DOCK7: variants seen among roughly 807,000 people sequenced by gnomAD.
DOCK7 encodes the protein dedicator of cytokinesis protein 7.
In DOCK7, 138 loss-of-function variants were observed where a neutral mutation model predicts 271.0. That is an observed-to-expected ratio of 0.51 (90% confidence interval 0.44 to 0.59). DOCK7 has a LOEUF of 0.59. DOCK7 is among the 20% of genes least tolerant of loss of function. DOCK7 has a pLI of 0.00. For synonymous variants in DOCK7, 823 were observed against 876.1 expected, an observed-to-expected ratio of 0.94 and a Z score of 1.07; for missense variants, 2,066 against 2,592.4, an observed-to-expected ratio of 0.80 and a Z score of 4.41.
At chr1:62,553,350 ATATATTTTTTTTTT>A (rs1646011996) in intron 21 of DOCK7, among the ~76,000 whole-genome samples, 1 of 14,872 alleles carries the variant, frequency 6.7e-5, no homozygotes, top group African/African-American at 3.5e-4. Context: ...ATATATATAT[ATATATTTTTTTTTT>A]TTTTTTTTTT....
At chr1:62,548,073 G>A (rs182703205) in intron 22 of DOCK7, among the ~76,000 whole-genome samples, 6 of 152,112 alleles carry the variant, frequency 3.9e-5, no homozygotes, top group Admixed American at 3.9e-4. Context: ...CCTTGAATAA[G>A]TTAGACATTA....
chr1:62,535,052 G>GT (rs1242011413), intron 29 of DOCK7, among the ~76,000 whole-genome samples: 2 of 131,708 alleles, frequency 1.5e-5, no homozygotes, highest in East Asian at 4.1e-4. Context: ...TCCTGCCACT[G>GT]CACTCCAGCC....
chr1:62,464,122 C>T (rs1645607960), intron 48 of DOCK7, among the ~76,000 whole-genome samples: 1 of 151,866 alleles, frequency 6.6e-6, no homozygotes, highest in African/African-American at 2.4e-5. Context: ...CACAGTGGTG[C>T]CATCTCGGCT....
rs547702292 is a variant in DOCK7 at position 62,605,089 on chromosome 1, A to G, written c.1682+13617T>C. On this transcript the variant is annotated intron_variant, in intron 14 of 49. Transcript: ENST00000635253. ...ATGGTCACAATCTAGATTATAATCA[A>G]TAGGTGAACTTATTAAATAACTTTT... The G allele has an allele frequency of 4.3e-5, 13 of 305,442 alleles. No individual in the cohort carries two copies. In the East Asian group the frequency reaches 8.0e-4, roughly 19 times the overall value. The allele number at this position is 305,442 out of a possible 1,614,324, so 18.9% of individuals were successfully genotyped here.
intron 2 of DOCK7, among the ~76,000 whole-genome samples, chr1:62,656,802 C>T (rs1376170151): frequency 2.9e-5 from 3 of 103,128 alleles, no homozygotes; most frequent in South Asian, 3.4e-4. Flanking sequence ...GTGGGAGGGC[C>T]GGGGGGTGGG....
chr1:62,620,099 C>T (rs1652967534), intron 12 of DOCK7, 106 bp from the exon 13 acceptor site: 1 of 722,212 alleles, frequency 1.4e-6, no homozygotes, highest in East Asian at 3.1e-5. Flanking sequence ...GCGGGCGGAT[C>T]ATATGAGGTC....
In DOCK7 at chr1:62,458,078, G is replaced by A. The variant is rs184034633; in HGVS notation, c.6213-373C>T. The stretch of plus-strand genomic sequence containing the variant: ...GAAGTGGGAGGATGCTTCAGCCCAG[G>A]AAGTGGAGAATGCAGTGAGCTGAGA... On this transcript the variant is annotated intron_variant, in intron 48 of 49. Transcript: ENST00000635253. 5.0e-5 allele frequency: 10 copies of A among 201,596 alleles called. No homozygotes were observed. The East Asian group carries it at 1.2e-3, about 24-fold the overall frequency. 12.5% of individuals were successfully genotyped at this position (201,596 alleles called of 1,614,324 possible). A position where few individuals can be genotyped will look rare whatever the true frequency, so the allele number is the denominator to read the frequency against.
chr1:62,457,803 T>A, intron 48 of DOCK7, 98 bp from the exon 49 acceptor site: 3 of 1,136,702 alleles, frequency 2.6e-6, no homozygotes, highest in East Asian at 4.7e-5. Context: ...ATATGTGGGC[T>A]TAATGACACA....
intron 16 of DOCK7, among the ~76,000 whole-genome samples, chr1:62,581,707 T>A (rs1166463480): frequency 6.6e-6 from 1 of 152,148 alleles, no homozygotes; most frequent in Non-Finnish European, 1.5e-5. Context: ...CGTTAGTGTT[T>A]TGTGTGGAAT....
chr1:62,645,762 A>G (rs1203800278), intron 7 of DOCK7, among the ~76,000 whole-genome samples: 3 of 152,228 alleles, frequency 2.0e-5, no homozygotes, highest in Non-Finnish European at 4.4e-5. Flanking sequence ...TTCTTTTTAA[A>G]GTAGAAACAA....
intron 8 of DOCK7, among the ~76,000 whole-genome samples, chr1:62,636,064 A>T (rs958505259): frequency 6.6e-6 from 1 of 152,226 alleles, no homozygotes; most frequent in African/African-American, 2.4e-5. Context: ...CATCCTGGCT[A>T]ACACGGTGAA....
Position 62,578,894 on chromosome 1 carries a change from A to G in DOCK7, c.1944T>C (p.Phe648=), listed in dbSNP as rs199869677. 1.7e-5 allele frequency: 27 copies of G among 1,610,124 alleles called. No homozygotes were observed. The Admixed American group carries it at 3.5e-4, about 21-fold the overall frequency. The change falls in exon 17 of 50, where the codon TTT becomes TTC. Residue 648 remains phenylalanine, a synonymous_variant. Transcript: ENST00000635253. ...ATLTDHHHLL[F]TFYHVSCQQK... ...GTTGACAACTAACATGATAAAAAGT[A>G]AAAAGCAAGTGATGATGGTCAGTTA...
intron 7 of DOCK7, chr1:62,641,490 G>C: frequency 2.3e-6 from 1 of 440,576 alleles, no homozygotes; most frequent in Non-Finnish European, 4.6e-6. Flanking sequence ...CACCAAAAGA[G>C]GTGGCTGGGG....
intron 1 of DOCK7, among the ~76,000 whole-genome samples, chr1:62,669,723 G>A (rs1173490251): frequency 6.6e-6 from 1 of 152,262 alleles, no homozygotes; most frequent in East Asian, 1.9e-4. Context: ...GTGACAGCGT[G>A]CTGGCAGTCC....
intron 40 of DOCK7, 35 bp downstream of exon 40, chr1:62,494,240 T>C (rs1440282061): frequency 3.3e-6 from 5 of 1,512,228 alleles, no homozygotes; most frequent in Non-Finnish European, 4.5e-6. Flanking sequence ...AAAAAAGATA[T>C]ACCTTGATTT....
chr1:62,468,096 C>T (rs971780612), intron 48 of DOCK7, among the ~76,000 whole-genome samples: 1 of 152,136 alleles, frequency 6.6e-6, no homozygotes, highest in Non-Finnish European at 1.5e-5. Flanking sequence ...CGCGGTGGCT[C>T]ACGCCTGTAA....
intron 31 of DOCK7, among the ~76,000 whole-genome samples, chr1:62,525,412 T>C (rs989602580): frequency 6.6e-6 from 1 of 152,224 alleles, no homozygotes; most frequent in Non-Finnish European, 1.5e-5. Context: ...TAAGAACTTC[T>C]GGATGGCAGC....
chr1:62,535,140 G>C (rs916247183), intron 29 of DOCK7, among the ~76,000 whole-genome samples: 15 of 152,002 alleles, frequency 9.9e-5, no homozygotes, highest in Non-Finnish European at 1.9e-4. Flanking sequence ...TCAAATAAAA[G>C]ACCATTTTCC....
intron 22 of DOCK7, among the ~76,000 whole-genome samples, chr1:62,548,215 CA>C (rs1220668004): frequency 0.016 from 2,058 of 131,370 alleles, 34 homozygotes; most frequent in African/African-American, 0.047. Context: ...AAATGTCAGA[CA>C]AAAAAAAAAA....
Sources: allele counts gnomAD v4.1 joint callset (sites outside exome capture counted in the v4.1 genomes callset), GRCh38; gene constraint gnomAD v4.1.1; transcripts MANE v1.5; gene names NCBI Gene and HGNC (gene_info 2026-07-23, HGNC 2026-07-21).